DIAPH3: variants seen among roughly 807,000 people sequenced by gnomAD.
DIAPH3 encodes the protein protein diaphanous homolog 3.
In DIAPH3, 117 loss-of-function variants were observed where a neutral mutation model predicts 144.3. That is an observed-to-expected ratio of 0.81 (90% CI 0.70 to 0.95). The LOEUF (loss-of-function observed/expected upper bound fraction) is 0.95. DIAPH3 is among the 40% of genes least tolerant of loss of function. The pLI, the probability that DIAPH3 is intolerant of heterozygous loss-of-function variation, is 0.00. For missense variants in DIAPH3, 1,421 were observed against 1,412.7 expected (o/e 1.01, Z -0.09); for synonymous variants, 519 against 488.9 (o/e 1.06, Z -0.81).
intron 27 of DIAPH3, among the ~76,000 whole-genome samples, chr13:59,698,206 T>C (rs2033922190): frequency 6.6e-6 from 1 of 152,222 alleles, no homozygotes; most frequent in Non-Finnish European, 1.5e-5. Flanking sequence ...TTTGTCATTT[T>C]TCCCTCAACA....
intron 18 of DIAPH3, among the ~76,000 whole-genome samples, chr13:59,922,653 C>G (rs543483392): frequency 6.6e-6 from 1 of 152,124 alleles, no homozygotes; most frequent in East Asian, 1.9e-4. Flanking sequence ...GCTGCTAAAG[C>G]TTCTTAAAGC....
chr13:59,977,544 C>G (rs2050748016), intron 14 of DIAPH3, among the ~76,000 whole-genome samples: 1 of 151,732 alleles, frequency 6.6e-6, no homozygotes, highest in Admixed American at 6.6e-5. Context: ...ACTCAACCAG[C>G]AGCAGTGTGA....
At chr13:59,923,578 T>C (rs145658787) in intron 18 of DIAPH3, among the ~76,000 whole-genome samples, 74 of 152,288 alleles carry the variant, frequency 4.9e-4, no homozygotes, top group Non-Finnish European at 1.0e-3. Context: ...CTGAATGCCA[T>C]TCTGGGTGCC....
At position 60,087,153 on chromosome 13, in the gene DIAPH3, TG is replaced by T. The variant is rs2057774064; in HGVS notation, c.495+6474del. ...TGTGCATGTTCAGTGTAGACACAAT[TG>T]TTTTTCCAAATATTTTCAACCTACG... On this transcript the variant is annotated intron_variant, in intron 4 of 27. Transcript: ENST00000400324. Among the ~76,000 whole-genome samples the T allele has an allele frequency of 4.6e-5, 7 of 152,330 alleles. No individual in the cohort carries two copies. In the South Asian group the frequency reaches 1.4e-3, roughly 32 times the overall value.
intron 18 of DIAPH3, among the ~76,000 whole-genome samples, chr13:59,923,180 T>A (rs1594000230): frequency 6.6e-6 from 1 of 152,324 alleles, no homozygotes; most frequent in East Asian, 1.9e-4. Context: ...TTAGGCTAAC[T>A]TACCACAGCT....
intron 1 of DIAPH3, among the ~76,000 whole-genome samples, chr13:60,156,802 C>T (rs2138443771): frequency 1.3e-5 from 2 of 150,736 alleles, no homozygotes; most frequent in Non-Finnish European, 2.9e-5. Context: ...ATCATAAGCT[C>T]CAAACAGAAG....
intron 1 of DIAPH3, among the ~76,000 whole-genome samples, chr13:60,155,518 G>T (rs1192252342): frequency 1.3e-5 from 2 of 152,150 alleles, no homozygotes; most frequent in Non-Finnish European, 2.9e-5. Context: ...GAATGGCTGG[G>T]AAAATTCAGA....
intron 25 of DIAPH3, among the ~76,000 whole-genome samples, chr13:59,802,333 A>C (rs2039944172): frequency 6.6e-6 from 1 of 152,106 alleles, no homozygotes; most frequent in Non-Finnish European, 1.5e-5. Context: ...TAATAGATCT[A>C]AAAATCACAC....
rs371152525 is a variant in DIAPH3 at position 60,072,092 on chromosome 13, C to T, written c.495+21536G>A. Reference sequence around the variant, plus strand: ...GCTCCATAGATTTGGTTACCTTCCACATGGGCCCTCTCCCACGGTAGCTCT... The same window carrying T: ...GCTCCATAGATTTGGTTACCTTCCATATGGGCCCTCTCCCACGGTAGCTCT... On this transcript the variant is annotated intron_variant, in intron 4 of 27. Coordinates refer to ENST00000400324, the MANE Select transcript of DIAPH3 (RefSeq NM_001042517.2). Among the ~76,000 whole-genome samples the T allele has an allele frequency of 2.8e-4, 42 of 152,264 alleles. 1 individual carries two copies. In the East Asian group the frequency reaches 6.2e-3, roughly 22 times the overall value.
chr13:59,970,849 T>C lies in DIAPH3; in HGVS notation c.1959+3A>G. On this transcript the variant is annotated splice_donor_region_variant and intron_variant, in intron 16 of 27. Coordinates refer to ENST00000400324, the MANE Select transcript of DIAPH3 (RefSeq NM_001042517.2). ...AGTATTTTCCTCTATTAATTTCTTT[T>C]ACCTTTAACCAATTCAATCTTCTCA... 6.2e-7 allele frequency: 1 copy of C among 1,609,962 alleles called. No homozygotes were observed. Among genetic ancestry groups the C allele is most frequent in the Non-Finnish European group, 8.5e-7 (1 of 1,177,944 alleles).
intron 5 of DIAPH3, among the ~76,000 whole-genome samples, chr13:60,037,328 T>A (rs2055303853): frequency 6.6e-6 from 1 of 152,084 alleles, no homozygotes; most frequent in Non-Finnish European, 1.5e-5. Context: ...TATATACATA[T>A]ACACACAGTT....
At chr13:59,993,724 T>TAAAAAAAAAAAAAAAAAAAAAA (rs2051999696) in intron 9 of DIAPH3, among the ~76,000 whole-genome samples, 1 of 42,480 alleles carries the variant, frequency 2.4e-5, no homozygotes, top group African/African-American at 1.1e-4. Flanking sequence ...AAAAAAAAAC[T>TAAAAAAAAAAAAAAAAAAAAAA]TAACAGAATC....
At chr13:59,672,241 G>C (rs1186465702) in intron 27 of DIAPH3, among the ~76,000 whole-genome samples, 1 of 152,178 alleles carries the variant, frequency 6.6e-6, no homozygotes, top group Non-Finnish European at 1.5e-5. Context: ...TTCCTTTGAA[G>C]TTAGTATTGA....
intron 27 of DIAPH3, among the ~76,000 whole-genome samples, chr13:59,705,466 G>C (rs1418254584): frequency 6.6e-6 from 1 of 152,126 alleles, no homozygotes; most frequent in African/African-American, 2.4e-5. Context: ...TTTGACTTTA[G>C]AAACAGTCAG....
At chr13:59,714,938 T>C (rs1034890360) in intron 27 of DIAPH3, among the ~76,000 whole-genome samples, 4 of 151,876 alleles carry the variant, frequency 2.6e-5, no homozygotes, top group African/African-American at 7.2e-5. Flanking sequence ...AAGTCACCAG[T>C]CCATATTCTC....
intron 20 of DIAPH3, among the ~76,000 whole-genome samples, chr13:59,879,983 A>G (rs9570222): frequency 0.064 from 9,693 of 152,182 alleles, 467 homozygotes; most frequent in East Asian, 0.29. Flanking sequence ...ATTTGTACTA[A>G]ATTGACTTTC....
chr13:60,109,553 A>G (rs994964696), intron 3 of DIAPH3, among the ~76,000 whole-genome samples: 2 of 152,144 alleles, frequency 1.3e-5, no homozygotes, highest in African/African-American at 4.8e-5. Context: ...GAAATGGAAC[A>G]AGCTTGAACA....
intron 27 of DIAPH3, among the ~76,000 whole-genome samples, chr13:59,686,686 T>C (rs2033231996): frequency 6.6e-6 from 1 of 152,100 alleles, no homozygotes; most frequent in Non-Finnish European, 1.5e-5. Context: ...GCTAGGGGTA[T>C]AGAAAGTTTT....
intron 27 of DIAPH3, among the ~76,000 whole-genome samples, chr13:59,755,563 G>A (rs1198396990): frequency 6.6e-6 from 1 of 152,002 alleles, no homozygotes; most frequent in Non-Finnish European, 1.5e-5. Context: ...GAGAATGAGT[G>A]GCTAGGCACA....
Sources: gnomAD v4.1 joint callset for allele counts (sites outside exome capture counted in the v4.1 genomes callset) on GRCh38, gnomAD v4.1.1 for gene constraint, MANE v1.5 for transcripts, NCBI Gene and HGNC (gene_info 2026-07-23, HGNC 2026-07-21) for gene names.